NUDT12: variants seen among roughly 807,000 people sequenced by gnomAD.
NUDT12 encodes NAD-capped RNA hydrolase NUDT12.
A neutral mutation model predicts 45.7 loss-of-function variants in NUDT12; 42 were observed. That is an observed-to-expected ratio of 0.92 (90% confidence interval 0.72 to 1.19). The LOEUF (loss-of-function observed/expected upper bound fraction) is 1.19. Among genes scored for constraint, NUDT12 ranks in the 50% most tolerant of loss-of-function variants. The pLI is 0.00. For missense variants in NUDT12, 590 were observed against 533.1 expected (o/e 1.11, Z -1.05); for synonymous variants, 206 against 179.7 (o/e 1.15, Z -1.17).
intron 2 of NUDT12, 189 bp from the exon 3 acceptor site, chr5:103,559,657 AAGTT>A: frequency 2.2e-6 from 1 of 447,600 alleles, no homozygotes; most frequent in Non-Finnish European, 3.9e-6. Context: ...AAATGACAAA[AAGTT>A]AAGAGACAGT....
intron 1 of NUDT12, among the ~76,000 whole-genome samples, chr5:103,560,778 A>T (rs1430367928): frequency 6.6e-6 from 1 of 152,214 alleles, no homozygotes; most frequent in Non-Finnish European, 1.5e-5. Context: ...CATAATCCAT[A>T]TTACTCCGTA....
chr5:103,560,285 T>A, intron 1 of NUDT12, 31 bp from the exon 2 acceptor site: 1 of 1,427,988 alleles, frequency 7.0e-7, no homozygotes, highest in Non-Finnish European at 9.8e-7. Context: ...GGGAAAAAGC[T>A]TATTTGCAAC....
chr5:103,560,124 G>C lies in NUDT12; in HGVS notation c.125C>G (p.Thr42Ser). 6.2e-7 allele frequency: 1 copy of C among 1,613,892 alleles called. No homozygotes were observed. Among genetic ancestry groups the C allele is most frequent in the Non-Finnish European group, 8.5e-7 (1 of 1,179,828 alleles). Reference protein sequence around the residue: ...LSHSPSLLNETSENGWTALMY... With the variant: ...LSHSPSLLNESSENGWTALMY... ...TAAAGCAGTCCAGCCATTTTCAGAA[G>C]TTTCATTGAGAAGAGATGGAGAATG... is the stretch of plus-strand genomic sequence containing the variant. The change falls in exon 2 of 7, where the codon ACT becomes AGT. Residue 42 changes from threonine to serine, a missense_variant. Transcript: ENST00000230792.
rs141675285 is a variant in NUDT12, at chr5:103,551,223, C to T, written c.1279-252G>A. 1.1e-3 allele frequency among the ~76,000 whole-genome samples: 166 copies of T among 151,792 alleles called. No individual in the cohort carries two copies. The East Asian group carries it at 0.018, about 16-fold the overall frequency. ...GCAGCTTTGACTTCCTGGGCTCAGG[C>T]GATCCTCCTGCCACAGCCTCCCAAG... is the stretch of plus-strand genomic sequence containing the variant. On this transcript the variant is annotated intron_variant, in intron 6 of 6. Coordinates refer to ENST00000230792, the MANE Select transcript of NUDT12 (RefSeq NM_031438.4).
intron 5 of NUDT12, 130 bp downstream of exon 5, chr5:103,554,610 A>G (rs982259764): frequency 1.6e-5 from 6 of 381,824 alleles, no homozygotes; most frequent in Middle Eastern, 7.0e-4. Flanking sequence ...AAATTGTATC[A>G]TTTTTAAAAT....
chr5:103,559,987 G>A (rs1748978457), intron 2 of NUDT12, 56 bp downstream of exon 2: 1 of 1,243,458 alleles, frequency 8.0e-7, no homozygotes, highest in African/African-American at 1.5e-5. Flanking sequence ...AAGTAAATAT[G>A]TAACAAAGAA....
At chr5:103,561,904 G>T (rs1749045199) in intron 1 of NUDT12, among the ~76,000 whole-genome samples, 1 of 152,198 alleles carries the variant, frequency 6.6e-6, no homozygotes, top group African/African-American at 2.4e-5. Flanking sequence ...CTGTGGAGAT[G>T]GGAAGTGGAA....
intron 3 of NUDT12, among the ~76,000 whole-genome samples, chr5:103,556,555 G>A (rs1373954707): frequency 2.0e-5 from 3 of 152,056 alleles, no homozygotes; most frequent in African/African-American, 7.2e-5. Flanking sequence ...TGGTGACTAT[G>A]CCATTGATGG....
chr5:103,553,945 TG>T (rs1748732274), intron 5 of NUDT12, among the ~76,000 whole-genome samples: 1 of 151,962 alleles, frequency 6.6e-6, no homozygotes. Context: ...GCAAAATCAC[TG>T]TAATAGTGTA....
At position 103,549,513 on chromosome 5, in the gene NUDT12, T is replaced by A. The variant is rs1748586421; in HGVS notation, c.*1348A>T. On this transcript the variant is annotated 3_prime_UTR_variant, in exon 7 of 7. Transcript: ENST00000230792. ...ATATATTTTTAGTAATAGCTTCTAGTTCCTTTTACAGGGAGAATCGTCCTC... is the reference window on the plus strand; with the variant it reads ...ATATATTTTTAGTAATAGCTTCTAGATCCTTTTACAGGGAGAATCGTCCTC... 6.6e-6 allele frequency: 1 copy of A among 152,032 alleles called. No individual in the cohort carries two copies. The highest frequency in any genetic ancestry group is 2.4e-5 in the African/African-American group (1 of 41,452). The allele number at this position is 152,032 out of a possible 1,614,324, so 9.4% of individuals were successfully genotyped here.
In NUDT12 at chr5:103,550,814, G is replaced by A. The variant is rs756806096; in HGVS notation, c.*47C>T. 1.6e-6 allele frequency: 2 copies of A among 1,283,106 alleles called. No homozygotes were observed. Among genetic ancestry groups the A allele is most frequent in the Non-Finnish European group, 1.1e-6 (1 of 881,192 alleles). 79.5% of individuals were successfully genotyped at this position (1,283,106 alleles called of 1,614,324 possible). A position where few individuals can be genotyped will look rare whatever the true frequency, so the allele number is the denominator to read the frequency against. ...ATCTCTAATATCACTTGAGGAATGA[G>A]TGTTATTAGAAATTATTAAATAATA... On this transcript the variant is annotated 3_prime_UTR_variant, in exon 7 of 7. Coordinates refer to ENST00000230792, the MANE Select transcript of NUDT12 (RefSeq NM_031438.4).
Position 103,560,256 on chromosome 5 carries a change from T to C in NUDT12, c.-6-2A>G, listed in dbSNP as rs1748992156. On this transcript the variant is annotated splice_acceptor_variant, in intron 1 of 6. Transcript: ENST00000230792. LOFTEE classifies it low-confidence loss of function (5UTR_SPLICE). ...TCTTTTTACAGAAGACATTTCTTCC[T>C]TAAAAGAAGGAAAATCAGGGGAAAA... 1 of 1,600,824 alleles carries C rather than the reference T, an allele frequency of 6.2e-7. No individual in the cohort carries two copies. Among genetic ancestry groups the C allele is most frequent in the Non-Finnish European group, 8.6e-7 (1 of 1,168,752 alleles).
chr5:103,560,751 T>C (rs1749008218), intron 1 of NUDT12, among the ~76,000 whole-genome samples: 1 of 152,220 alleles, frequency 6.6e-6, no homozygotes, highest in Admixed American at 6.5e-5. Context: ...GGGGTCAAGA[T>C]ACTTTTTTAC....
At chr5:103,559,748 A>T (rs1748971348) in intron 2 of NUDT12, 1 of 481,910 alleles carries the variant, frequency 2.1e-6, no homozygotes, top group East Asian at 3.4e-5. Flanking sequence ...GAGATACCAA[A>T]ATTCTACAAG....
chr5:103,557,874 GTGT>G (rs1236796319), intron 3 of NUDT12, among the ~76,000 whole-genome samples: 1 of 152,074 alleles, frequency 6.6e-6, no homozygotes, highest in East Asian at 1.9e-4. Context: ...AAGTATCTGT[GTGT>G]TGATGACTGC....
chr5:103,551,536 C>T lies in NUDT12; in HGVS notation c.1279-565G>A, dbSNP rs185113078. Among the ~76,000 whole-genome samples the T allele has an allele frequency of 8.5e-5, 13 of 152,186 alleles. No individual in the cohort carries two copies. The East Asian group carries it at 1.2e-3, about 14-fold the overall frequency. On this transcript the variant is annotated intron_variant, in intron 6 of 6. Transcript: ENST00000230792. ...TGACATCACGAAAAAGCAAAATGTA[C>T]GCTCCACACTTAATTTCTAAGCAAA...
At chr5:103,551,030 T>G (rs1748641123) in intron 6 of NUDT12, 59 bp from the exon 7 acceptor site, 1 of 1,138,476 alleles carries the variant, frequency 8.8e-7, no homozygotes, top group Admixed American at 1.8e-5. Flanking sequence ...TTAAATACTA[T>G]TCCCATGTTT....
At position 103,550,848 on chromosome 5, in the gene NUDT12, T is replaced by A; in HGVS notation, c.*13A>T. ...GAAATTATTAAATAATACTCAAAGC[T>A]TAGTTCTTAGATTTAGAGATTAGGA... On this transcript the variant is annotated 3_prime_UTR_variant, in exon 7 of 7. Transcript: ENST00000230792. The A allele has an allele frequency of 6.5e-7, 1 of 1,530,222 alleles. No homozygotes were observed. Among genetic ancestry groups the A allele is most frequent in the South Asian group, 1.1e-5 (1 of 89,388 alleles). 94.8% of individuals were successfully genotyped at this position (1,530,222 alleles called of 1,614,324 possible). A position where few individuals can be genotyped will look rare whatever the true frequency, so the allele number is the denominator to read the frequency against.
chr5:103,553,867 C>A (rs142361768), intron 5 of NUDT12, among the ~76,000 whole-genome samples: 14 of 152,130 alleles, frequency 9.2e-5, no homozygotes, highest in African/African-American at 3.4e-4. Flanking sequence ...TAAATCCCTT[C>A]CTTATCACTT....
Sources: gnomAD v4.1 joint callset for allele counts (sites outside exome capture counted in the v4.1 genomes callset) on GRCh38, gnomAD v4.1.1 for gene constraint, MANE v1.5 for transcripts, NCBI Gene and HGNC (gene_info 2026-07-23, HGNC 2026-07-21) for gene names.